The following PLXNA4 variants were observed in gnomAD, a reference collection of about 807,000 sequenced individuals.
PLXNA4 encodes the protein plexin A4.
Under a neutral mutation model 191.8 loss-of-function variants are expected in PLXNA4, and 44 were observed. The observed-to-expected ratio is 0.23, with a 90% CI of 0.18 to 0.29. The LOEUF (loss-of-function observed/expected upper bound fraction) is 0.29. Among genes scored for constraint, PLXNA4 ranks in the 10% least tolerant of loss-of-function variants. The pLI, the probability that PLXNA4 is intolerant of heterozygous loss-of-function variation, is 1.00. For synonymous variants in PLXNA4, 1,082 were observed against 1,009.5 expected, an observed-to-expected ratio of 1.07 and a Z score of -1.36; for missense variants, 1,800 against 2,488.8, an observed-to-expected ratio of 0.72 and a Z score of 5.89.
intron 3 of PLXNA4, among the ~76,000 whole-genome samples, chr7:132,478,405 G>A (rs531892536): frequency 6.6e-6 from 1 of 152,336 alleles, no homozygotes; most frequent in African/African-American, 2.4e-5. Context: ...AGTGATACTT[G>A]TAGTAGAGGA....
intron 2 of PLXNA4, among the ~76,000 whole-genome samples, chr7:132,616,239 A>G (rs1803155675): frequency 6.6e-6 from 1 of 152,060 alleles, no homozygotes; most frequent in South Asian, 2.1e-4. Flanking sequence ...GTGCTTCTGC[A>G]TTTGCTGGCT....
chr7:132,219,992 T>C (rs1798091685), intron 9 of PLXNA4, among the ~76,000 whole-genome samples: 1 of 152,176 alleles, frequency 6.6e-6, no homozygotes, highest in South Asian at 2.1e-4. Context: ...GTTCGCACAA[T>C]GACAAAATTG....
intron 1 of PLXNA4, among the ~76,000 whole-genome samples, chr7:132,527,739 A>C (rs1221875147): frequency 2.0e-5 from 3 of 152,118 alleles, no homozygotes; most frequent in Admixed American, 2.0e-4. Flanking sequence ...GTATTTGCCC[A>C]GACCTATTCC....
intron 5 of PLXNA4, 50 bp from the exon 6 acceptor site, chr7:132,228,519 G>T: frequency 6.2e-7 from 1 of 1,606,932 alleles, no homozygotes. Context: ...GCTTGGTCCA[G>T]GGAGGGGCGG....
chr7:132,175,592 G>A (rs1017186372), intron 20 of PLXNA4, among the ~76,000 whole-genome samples: 1 of 152,170 alleles, frequency 6.6e-6, no homozygotes, highest in Admixed American at 6.5e-5. Flanking sequence ...TGTGTGTGGC[G>A]GCAGCTCAGG....
At position 132,231,835 on chromosome 7, in the gene PLXNA4, C is replaced by G. The variant is rs537074540; in HGVS notation, c.1605-3366G>C. Among the ~76,000 whole-genome samples, 3 of 152,256 alleles carry G rather than the reference C, an allele frequency of 2.0e-5. No homozygotes were observed. In the East Asian group the frequency reaches 5.8e-4, roughly 29 times the overall value. ...TAAAGGAGAAGGACAACCCAGAGGC[C>G]AGGAGGGAGAAAAGAGCGAAAGAAT... On this transcript the variant is annotated intron_variant, in intron 5 of 31. Transcript: ENST00000321063.
intron 3 of PLXNA4, among the ~76,000 whole-genome samples, chr7:132,466,002 C>G (rs895807307): frequency 6.6e-6 from 1 of 152,144 alleles, no homozygotes. Flanking sequence ...CAGGTACCCA[C>G]GCAGGTCAGG....
At chr7:132,135,661 T>A (rs900109615) in intron 30 of PLXNA4, among the ~76,000 whole-genome samples, 3 of 152,026 alleles carry the variant, frequency 2.0e-5, no homozygotes, top group African/African-American at 7.2e-5. Context: ...TATCTAGAAG[T>A]ATATATGTGT....
chr7:132,616,230 T>C (rs1481359099), intron 2 of PLXNA4, among the ~76,000 whole-genome samples: 2 of 152,214 alleles, frequency 1.3e-5, no homozygotes, highest in South Asian at 4.1e-4. Context: ...CTCTTCGCAG[T>C]GCTTCTGCAT....
intron 3 of PLXNA4, among the ~76,000 whole-genome samples, chr7:132,407,010 C>A (rs1490332126): frequency 1.3e-5 from 2 of 152,146 alleles, no homozygotes; most frequent in Admixed American, 6.5e-5. Flanking sequence ...TCATAAGAAC[C>A]CTTCATCTCC....
intron 3 of PLXNA4, among the ~76,000 whole-genome samples, chr7:132,442,022 G>A (rs1017909122): frequency 1.3e-5 from 2 of 152,224 alleles, no homozygotes; most frequent in Non-Finnish European, 2.9e-5. Context: ...GTTGATCAGA[G>A]TCAGGGGCAA....
intron 1 of PLXNA4, among the ~76,000 whole-genome samples, chr7:132,543,997 C>T (rs1329066946): frequency 6.6e-6 from 1 of 152,070 alleles, no homozygotes; most frequent in Non-Finnish European, 1.5e-5. Context: ...AAGATGGTAA[C>T]AGAAATCAGA....
intron 1 of PLXNA4, among the ~76,000 whole-genome samples, chr7:132,515,210 G>A (rs1379751579): frequency 2.0e-5 from 3 of 152,146 alleles, no homozygotes; most frequent in Non-Finnish European, 4.4e-5. Context: ...AATCACAGGG[G>A]TGAGAGCAGG....
intron 5 of PLXNA4, among the ~76,000 whole-genome samples, chr7:132,239,510 C>T (rs1253597255): frequency 6.6e-6 from 1 of 152,164 alleles, no homozygotes; most frequent in Non-Finnish European, 1.5e-5. Flanking sequence ...GAGCTATCCT[C>T]AGCCAAGCAG....
At chr7:132,389,444 A>G (rs547848750) in intron 3 of PLXNA4, among the ~76,000 whole-genome samples, 1 of 152,318 alleles carries the variant, frequency 6.6e-6, no homozygotes, top group South Asian at 2.1e-4. Flanking sequence ...TAATTTTTGT[A>G]TAAGGTGTAA....
At chr7:132,473,023 T>C (rs569002157) in intron 3 of PLXNA4, among the ~76,000 whole-genome samples, 22 of 152,172 alleles carry the variant, frequency 1.4e-4, no homozygotes, top group Admixed American at 1.4e-3. Context: ...CACATCAGGA[T>C]GTTACGTGGC....
intron 2 of PLXNA4, among the ~76,000 whole-genome samples, chr7:132,502,315 G>A (rs941831079): frequency 2.6e-5 from 4 of 152,120 alleles, no homozygotes; most frequent in Non-Finnish European, 4.4e-5. Flanking sequence ...GACCTCCATC[G>A]CCACCCAGTC....
intron 3 of PLXNA4, among the ~76,000 whole-genome samples, chr7:132,486,757 A>C (rs975387810): frequency 9.9e-5 from 15 of 152,228 alleles, no homozygotes; most frequent in Non-Finnish European, 1.5e-5. Context: ...AAAGATGGGA[A>C]TGCCGGCCGC....
intron 1 of PLXNA4, among the ~76,000 whole-genome samples, chr7:132,511,028 CAGA>C (rs1798692403): frequency 7.7e-6 from 1 of 129,354 alleles, no homozygotes; most frequent in Non-Finnish European, 1.7e-5. Context: ...TTAGCCTTTG[CAGA>C]AGGAGAGTTT....
Sources: allele counts gnomAD v4.1 joint callset (sites outside exome capture counted in the v4.1 genomes callset), GRCh38; gene constraint gnomAD v4.1.1; transcripts MANE v1.5; gene names NCBI Gene and HGNC (gene_info 2026-07-23, HGNC 2026-07-21).